The following AFAP1 variants were observed in gnomAD, a reference collection of about 807,000 sequenced individuals.
AFAP1 encodes the protein actin filament associated protein 1.
A neutral mutation model predicts 93.9 loss-of-function variants in AFAP1; 75 were observed. The observed-to-expected ratio is 0.80, with a 90% CI of 0.66 to 0.97. The LOEUF is 0.97. AFAP1 is among the 50% of genes least tolerant of loss of function. The pLI is 0.00. For synonymous variants in AFAP1, 517 were observed against 430.7 expected, an observed-to-expected ratio of 1.20 and a Z score of -2.48; for missense variants, 1,201 against 1,050.8, an observed-to-expected ratio of 1.14 and a Z score of -1.98.
intron 4 of AFAP1, among the ~76,000 whole-genome samples, chr4:7,854,660 C>A (rs1432937133): frequency 6.6e-6 from 1 of 152,210 alleles, no homozygotes; most frequent in Non-Finnish European, 1.5e-5. Flanking sequence ...AAGATCAATG[C>A]ACCAGGAGCC....
intron 1 of AFAP1, among the ~76,000 whole-genome samples, chr4:7,921,181 C>CTTTTTTTTT (rs34764139): frequency 1.6e-4 from 15 of 95,104 alleles, no homozygotes; most frequent in East Asian, 3.6e-4. Context: ...GAGAGCAAAA[C>CTTTTTTTTT]TTTTTTTTTT....
chr4:7,898,572 C>G (rs987359971), intron 1 of AFAP1, among the ~76,000 whole-genome samples: 1 of 150,656 alleles, frequency 6.6e-6, no homozygotes, highest in East Asian at 1.9e-4. Context: ...GAGGGAAGAG[C>G]ATACGGGAAT....
chr4:7,932,418 C>T (rs529886279), intron 1 of AFAP1, among the ~76,000 whole-genome samples: 3 of 152,270 alleles, frequency 2.0e-5, no homozygotes, highest in Admixed American at 2.0e-4. Flanking sequence ...CTCTAAAACT[C>T]AGGAATGTGA....
rs544823762 is a variant in AFAP1 at position 7,785,765 on chromosome 4, C to G, written c.1530+429G>C. Among the ~76,000 whole-genome samples the G allele has an allele frequency of 2.3e-4, 35 of 152,170 alleles. No homozygotes were observed. In the South Asian group the frequency reaches 7.3e-3, roughly 32 times the overall value. ...TGGCCTTGCCAATATAGGGAGATCC[C>G]ATCTCTACTAAAAATAAAACAAATG... is the stretch of plus-strand genomic sequence containing the variant. On this transcript the variant is annotated intron_variant, in intron 12 of 17. Transcript: ENST00000420658.
At chr4:7,856,519 T>A (rs957528593) in intron 3 of AFAP1, among the ~76,000 whole-genome samples, 1 of 152,224 alleles carries the variant, frequency 6.6e-6, no homozygotes, top group Non-Finnish European at 1.5e-5. Flanking sequence ...GGATTACAGG[T>A]GTCAGCCACC....
intron 1 of AFAP1, among the ~76,000 whole-genome samples, chr4:7,891,704 GAAA>G (rs1718482028): frequency 7.5e-6 from 1 of 133,602 alleles, no homozygotes; most frequent in African/African-American, 2.8e-5. Flanking sequence ...AAACAAAGGG[GAAA>G]GAAAAGGAAG....
At chr4:7,910,198 C>CAGCT (rs1020135528) in intron 1 of AFAP1, among the ~76,000 whole-genome samples, 2 of 152,162 alleles carry the variant, frequency 1.3e-5, no homozygotes, top group Non-Finnish European at 2.9e-5. Flanking sequence ...CAAAAGCGCC[C>CAGCT]AGCTACATTT....
chr4:7,844,647 A>G (rs927182256), intron 4 of AFAP1, among the ~76,000 whole-genome samples: 1 of 152,246 alleles, frequency 6.6e-6, no homozygotes, highest in Admixed American at 6.5e-5. Context: ...GGCACAGGGC[A>G]AGTGCCCAAA....
At chr4:7,864,745 A>G (rs558891368) in intron 3 of AFAP1, among the ~76,000 whole-genome samples, 52 of 152,350 alleles carry the variant, frequency 3.4e-4, no homozygotes, top group Non-Finnish European at 6.9e-4. Flanking sequence ...TGACCATTAC[A>G]TAATAAACCA....
rs528982233 is a variant in AFAP1, at chr4:7,777,800, C to G, written c.1897+962G>C. On this transcript the variant is annotated intron_variant, in intron 14 of 17. Transcript: ENST00000420658. The stretch of plus-strand genomic sequence containing the variant: ...CTCAGGAGCCCATCACCTGTAAATC[C>G]CCACACTGCAGCCCTGCCACTTGCT... The G allele has an allele frequency of 5.9e-5, 9 of 152,286 alleles. No individual in the cohort carries two copies. The South Asian group carries it at 8.3e-4, about 14-fold the overall frequency. The allele number at this position is 152,286 out of a possible 1,614,324, so 9.4% of individuals were successfully genotyped here.
intron 6 of AFAP1, among the ~76,000 whole-genome samples, chr4:7,832,265 A>G (rs931211720): frequency 6.6e-6 from 1 of 152,114 alleles, no homozygotes; most frequent in Non-Finnish European, 1.5e-5. Flanking sequence ...CTGGAGGGGA[A>G]AAAAGCTCTC....
chr4:7,765,091 A>G (rs1273947808), intron 17 of AFAP1, among the ~76,000 whole-genome samples: 1 of 151,230 alleles, frequency 6.6e-6, no homozygotes, highest in Non-Finnish European at 1.5e-5. Flanking sequence ...TCAACAGAGC[A>G]AGACCCTGTC....
At position 7,763,594 on chromosome 4, in the gene AFAP1, G is replaced by T; in HGVS notation, c.*171C>A. On this transcript the variant is annotated 3_prime_UTR_variant, in exon 18 of 18. Transcript: ENST00000420658. Reference sequence around the variant, plus strand: ...TTTTTAAAGGCGCCATTTTACAGTAGAAAGAATACAAGTGGGCCTGGGGGA... The same window carrying T: ...TTTTTAAAGGCGCCATTTTACAGTATAAAGAATACAAGTGGGCCTGGGGGA... The T allele has an allele frequency of 1.5e-6, 1 of 658,774 alleles. No individual in the cohort carries two copies. The highest frequency in any genetic ancestry group is 2.5e-6 in the Non-Finnish European group (1 of 403,694). 40.8% of individuals were successfully genotyped at this position (658,774 alleles called of 1,614,324 possible).
chr4:7,920,127 A>G (rs1196635392), intron 1 of AFAP1, among the ~76,000 whole-genome samples: 1 of 152,198 alleles, frequency 6.6e-6, no homozygotes, highest in African/African-American at 2.4e-5. Flanking sequence ...TTTGTAACAT[A>G]ATGACTTGTA....
At chr4:7,925,907 C>T (rs1403874922) in intron 1 of AFAP1, among the ~76,000 whole-genome samples, 3 of 151,962 alleles carry the variant, frequency 2.0e-5, no homozygotes, top group Non-Finnish European at 4.4e-5. Context: ...TTCTTAACTT[C>T]TCTAAGCCTC....
intron 13 of AFAP1, 148 bp from the exon 14 acceptor site, chr4:7,779,024 C>T: frequency 1.6e-6 from 1 of 636,822 alleles, no homozygotes; most frequent in Non-Finnish European, 2.7e-6. Flanking sequence ...GAAAGAAAAC[C>T]AAGATGGTTT....
chr4:7,816,719 A>G (rs1029504155), intron 7 of AFAP1, among the ~76,000 whole-genome samples: 1 of 152,210 alleles, frequency 6.6e-6, no homozygotes, highest in Non-Finnish European at 1.5e-5. Flanking sequence ...TTGCCACCCA[A>G]GAACCTGTGG....
intron 1 of AFAP1, among the ~76,000 whole-genome samples, chr4:7,887,748 T>C (rs1399279971): frequency 2.6e-5 from 4 of 152,196 alleles, no homozygotes; most frequent in African/African-American, 9.7e-5. Context: ...AAGGAGGAAT[T>C]TGTCTTTCTT....
At chr4:7,787,735 C>T (rs1343307708) in intron 11 of AFAP1, among the ~76,000 whole-genome samples, 6 of 152,196 alleles carry the variant, frequency 3.9e-5, no homozygotes, top group South Asian at 2.1e-4. Flanking sequence ...CGCCAGCCTC[C>T]GCCCAACACC....
Sources: allele counts gnomAD v4.1 joint callset (sites outside exome capture counted in the v4.1 genomes callset), GRCh38; gene constraint gnomAD v4.1.1; transcripts MANE v1.5; gene names NCBI Gene and HGNC (gene_info 2026-07-23, HGNC 2026-07-21).